Variants in SAMMSON observed in about 807,000 individuals in gnomAD.
The protein encoded by SAMMSON is long intergenic non-protein coding RNA 1212.
chr3:70,100,952 C>A (rs1318390263), intron 4 of SAMMSON, among the ~76,000 whole-genome samples: 1 of 152,190 alleles, frequency 6.6e-6, no homozygotes, highest in Non-Finnish European at 1.5e-5. Flanking sequence ...TCTTGAGAAT[C>A]ACATTGTTTA....
chr3:70,211,042 T>A (rs1270283453), intron 4 of SAMMSON, among the ~76,000 whole-genome samples: 1 of 152,136 alleles, frequency 6.6e-6, no homozygotes, highest in Non-Finnish European at 1.5e-5. Flanking sequence ...GATCACTAAA[T>A]GTGACTTTGT....
At chr3:70,295,024 A>G (rs1702276111) in intron 7 of SAMMSON, among the ~76,000 whole-genome samples, 2 of 152,268 alleles carry the variant, frequency 1.3e-5, no homozygotes, top group African/African-American at 2.4e-5. Flanking sequence ...TCATTGTCCA[A>G]AATTATTTGT....
intron 4 of SAMMSON, among the ~76,000 whole-genome samples, chr3:70,096,224 G>A (rs1402496042): frequency 2.0e-5 from 3 of 152,092 alleles, no homozygotes; most frequent in Non-Finnish European, 4.4e-5. Flanking sequence ...CTTCTACTTG[G>A]TCACTTGCTT....
intron 9 of SAMMSON, among the ~76,000 whole-genome samples, chr3:70,380,395 C>G (rs1005378618): frequency 2.6e-5 from 4 of 152,000 alleles, no homozygotes; most frequent in Non-Finnish European, 4.4e-5. Context: ...TTGGAAATAT[C>G]AAAATGACTC....
chr3:70,225,597 G>A (rs1701496900), intron 4 of SAMMSON, among the ~76,000 whole-genome samples: 1 of 147,454 alleles, frequency 6.8e-6, no homozygotes, highest in South Asian at 2.3e-4. Flanking sequence ...CTCTGTAAAA[G>A]TGAAGATGCT....
intron 7 of SAMMSON, among the ~76,000 whole-genome samples, chr3:70,315,514 G>C (rs570769925): frequency 6.6e-6 from 1 of 152,268 alleles, no homozygotes; most frequent in South Asian, 2.1e-4. Flanking sequence ...GGTAAGAACA[G>C]ACACCAAGTA....
At chr3:70,272,948 C>T (rs1169329525) in intron 6 of SAMMSON, among the ~76,000 whole-genome samples, 8 of 152,196 alleles carry the variant, frequency 5.3e-5, no homozygotes, top group Non-Finnish European at 1.2e-4. Context: ...GAGTCATTTA[C>T]AGCCCTGTGC....
In SAMMSON at chr3:70,212,883, T is replaced by G. The variant is rs570038534; in HGVS notation, n.508-36224T>G. ...ATCACAGTTCACTGCAGCTTCAACC[T>G]CCCAGACTCAGGTGATCCTCCCATC... On this transcript the variant is annotated intron_variant and non_coding_transcript_variant, in intron 4 of 9. Transcript: ENST00000642114. Among the ~76,000 whole-genome samples, 8 of 152,134 alleles carry G rather than the reference T, an allele frequency of 5.3e-5. No homozygotes were observed. In the East Asian group the frequency reaches 1.6e-3, roughly 30 times the overall value.
intron 4 of SAMMSON, among the ~76,000 whole-genome samples, chr3:70,216,571 TA>T (rs1701414256): frequency 6.6e-6 from 1 of 152,102 alleles, no homozygotes; most frequent in African/African-American, 2.4e-5. Flanking sequence ...TGTTCCTAAC[TA>T]ATAGGCTATA....
chr3:70,114,264 A>C (rs973024754), intron 4 of SAMMSON, among the ~76,000 whole-genome samples: 1 of 152,132 alleles, frequency 6.6e-6, no homozygotes, highest in Non-Finnish European at 1.5e-5. Flanking sequence ...ATCTTACTCT[A>C]TGTTTTGTGG....
At chr3:70,011,415 G>A (rs1364803115) in intron 1 of SAMMSON, among the ~76,000 whole-genome samples, 1 of 151,832 alleles carries the variant, frequency 6.6e-6, no homozygotes, top group African/African-American at 2.4e-5. Flanking sequence ...TTAAATTTAG[G>A]GCCCCTCTTC....
intron 4 of SAMMSON, among the ~76,000 whole-genome samples, chr3:70,148,599 G>A (rs551669184): frequency 6.6e-6 from 1 of 152,230 alleles, no homozygotes; most frequent in South Asian, 2.1e-4. Context: ...CATGGCAGAA[G>A]GTGAAGGGGA....
intron 3 of SAMMSON, chr3:70,069,144 C>G (rs939791539): frequency 6.6e-6 from 1 of 151,994 alleles, no homozygotes; most frequent in Non-Finnish European, 1.5e-5. Flanking sequence ...TTCACAAATT[C>G]AATATCTGAA....
chr3:70,157,747 C>T (rs1198400211), intron 4 of SAMMSON, among the ~76,000 whole-genome samples: 4 of 152,050 alleles, frequency 2.6e-5, no homozygotes, highest in Admixed American at 1.3e-4. Flanking sequence ...ATTTGCTGAA[C>T]GCATTATGAA....
chr3:70,407,754 A>G (rs1575643098), intron 2 of SAMMSON, among the ~76,000 whole-genome samples: 1 of 152,196 alleles, frequency 6.6e-6, no homozygotes, highest in South Asian at 2.1e-4. Context: ...AGGTGGATCT[A>G]CCATTCTGCA....
At chr3:70,204,636 G>A (rs1283931299) in intron 4 of SAMMSON, 1 of 151,784 alleles carries the variant, frequency 6.6e-6, no homozygotes, top group African/African-American at 2.4e-5. Flanking sequence ...TTTGAATGAA[G>A]AGTAGTCAGC....
intron 7 of SAMMSON, among the ~76,000 whole-genome samples, chr3:70,331,722 CAGAT>C (rs1702622947): frequency 6.6e-6 from 1 of 152,172 alleles, no homozygotes; most frequent in Admixed American, 6.5e-5. Context: ...TAAAAATTGT[CAGAT>C]AATTTGCACC....
intron 3 of SAMMSON, among the ~76,000 whole-genome samples, chr3:70,040,936 G>A (rs562430248): frequency 7.2e-5 from 11 of 152,174 alleles, no homozygotes; most frequent in South Asian, 2.1e-4. Flanking sequence ...TCCAGATATC[G>A]TCTCAAAACA....
At chr3:70,416,566 G>T (rs183176035) in intron 2 of SAMMSON, among the ~76,000 whole-genome samples, 8 of 152,146 alleles carry the variant, frequency 5.3e-5, no homozygotes, top group Non-Finnish European at 1.0e-4. Flanking sequence ...ATACAATCTG[G>T]AGTGATTTTC....
Sources: gnomAD v4.1 joint callset for allele counts (sites outside exome capture counted in the v4.1 genomes callset) on GRCh38, gnomAD v4.1.1 for gene constraint, MANE v1.5 for transcripts, NCBI Gene and HGNC (gene_info 2026-07-23, HGNC 2026-07-21) for gene names.